Variants in CACNG4 observed in about 807,000 individuals in gnomAD.
CACNG4 encodes voltage-dependent calcium channel gamma-4 subunit.
A neutral mutation model predicts 22.9 loss-of-function variants in CACNG4; 8 were observed. The observed-to-expected ratio is 0.35, with a 90% CI of 0.21 to 0.63. CACNG4 has a LOEUF of 0.63. Ranked by LOEUF, CACNG4 falls within the 30% of genes least tolerant of loss-of-function variation. The pLI, the probability that CACNG4 is intolerant of heterozygous loss-of-function variation, is 0.72. For missense variants in CACNG4, 357 were observed against 455.4 expected (o/e 0.78, Z 1.97); for synonymous variants, 188 against 191.9 (o/e 0.98, Z 0.17).
At position 67,030,677 on chromosome 17, in the gene CACNG4, G is replaced by A. The variant is rs1479345128; in HGVS notation, c.657G>A (p.Arg219=). The part of the protein sequence containing the change: ...KNKELRFKTK[R]EFLKASSSSP... ...AAGAGTTGAGGTTTAAGACCAAACG[G>A]GAATTCCTTAAGGCGTCTTCCTCTT... Residue 219 remains arginine (R), a synonymous_variant, in exon 4 of 4, where the codon CGG becomes CGA. Transcript: ENST00000262138. The surrounding 1 kb of genome is among the most constrained non-coding windows in gnomAD (Gnocchi z 6.4). 6.2e-7 allele frequency: 1 copy of A among 1,614,202 alleles called. No homozygotes were observed. Among genetic ancestry groups the A allele is most frequent in the Non-Finnish European group, 8.5e-7 (1 of 1,180,046 alleles).
intron 2 of CACNG4, among the ~76,000 whole-genome samples, chr17:67,024,027 C>G (rs1485217697): frequency 6.6e-6 from 1 of 152,208 alleles, no homozygotes; most frequent in Non-Finnish European, 1.5e-5. Flanking sequence ...AGTCAGCTGT[C>G]CCCGGTCAGC....
chr17:66,977,259 C>A (rs561643775), intron 1 of CACNG4, among the ~76,000 whole-genome samples: 41 of 152,334 alleles, frequency 2.7e-4, no homozygotes, highest in African/African-American at 9.4e-4. Context: ...GAGAACACAT[C>A]CCTCTGTGAT....
intron 1 of CACNG4, among the ~76,000 whole-genome samples, chr17:67,000,903 A>G (rs73997310): frequency 0.031 from 4,687 of 152,184 alleles, 231 homozygotes; most frequent in African/African-American, 0.11. Context: ...GGAGGAGAAC[A>G]GACCTTCCTA....
chr17:67,001,447 G>C (rs1260605083), intron 1 of CACNG4, among the ~76,000 whole-genome samples: 1 of 152,030 alleles, frequency 6.6e-6, no homozygotes, highest in Admixed American at 6.6e-5. Flanking sequence ...ACCCCTCTGG[G>C]CCTCTGTCTG....
chr17:66,994,553 G>T (rs141505907), intron 1 of CACNG4, among the ~76,000 whole-genome samples: 136 of 152,318 alleles, frequency 8.9e-4, no homozygotes, highest in South Asian at 4.2e-3. Flanking sequence ...CCCCCCAGGG[G>T]CCCAGTCCTG....
At chr17:66,990,842 G>T (rs568241695) in intron 1 of CACNG4, among the ~76,000 whole-genome samples, 24 of 151,670 alleles carry the variant, frequency 1.6e-4, no homozygotes, top group African/African-American at 5.8e-4. Flanking sequence ...CACCATGCCC[G>T]GCTAATTTTT....
At chr17:67,005,020 C>T (rs980553160) in intron 1 of CACNG4, among the ~76,000 whole-genome samples, 5 of 152,098 alleles carry the variant, frequency 3.3e-5, no homozygotes, top group Admixed American at 6.5e-5. Flanking sequence ...CACCCTGCCC[C>T]GTCCCAAAGA....
At chr17:66,987,093 G>A (rs952117617) in intron 1 of CACNG4, among the ~76,000 whole-genome samples, 4 of 152,126 alleles carry the variant, frequency 2.6e-5, no homozygotes, top group Non-Finnish European at 5.9e-5. Context: ...GAGGGGAATG[G>A]GATTGACTGC....
chr17:67,011,558 C>T (rs774658542), intron 1 of CACNG4, among the ~76,000 whole-genome samples: 3 of 152,150 alleles, frequency 2.0e-5, no homozygotes, highest in Admixed American at 6.5e-5. Context: ...GCCAGGACTC[C>T]GTCTTACTCA....
chr17:66,985,619 C>G (rs750076516), intron 1 of CACNG4, among the ~76,000 whole-genome samples: 1 of 152,200 alleles, frequency 6.6e-6, no homozygotes, highest in Non-Finnish European at 1.5e-5. Flanking sequence ...CAGAGGCACA[C>G]GTCTTCCTTC....
intron 1 of CACNG4, among the ~76,000 whole-genome samples, chr17:67,014,429 A>G (rs2143347847): frequency 6.6e-6 from 1 of 151,886 alleles, no homozygotes. Flanking sequence ...AACTTTTGTG[A>G]AAAAAAAATC....
intron 1 of CACNG4, among the ~76,000 whole-genome samples, chr17:66,999,300 T>C (rs1428346236): frequency 6.6e-6 from 1 of 151,958 alleles, no homozygotes; most frequent in Non-Finnish European, 1.5e-5. Context: ...GTGGTGGTGG[T>C]CATTGTGGTA....
chr17:66,990,923 G>A (rs541033741), intron 1 of CACNG4, among the ~76,000 whole-genome samples: 2 of 152,038 alleles, frequency 1.3e-5, no homozygotes, highest in Non-Finnish European at 2.9e-5. Context: ...CTCGTGATCC[G>A]CCCGCCTCAG....
intron 1 of CACNG4, among the ~76,000 whole-genome samples, chr17:66,980,211 C>T (rs550350805): frequency 6.6e-6 from 1 of 152,338 alleles, no homozygotes; most frequent in Non-Finnish European, 1.5e-5. Context: ...ATCTTTATTT[C>T]CTGTCAGCAC....
At chr17:67,019,164 G>A (rs1180669468) in intron 2 of CACNG4, among the ~76,000 whole-genome samples, 1 of 152,154 alleles carries the variant, frequency 6.6e-6, no homozygotes. Context: ...CATCCTCAGA[G>A]AGAGCACAAT....
chr17:66,998,326 A>T (rs376268550), intron 1 of CACNG4, among the ~76,000 whole-genome samples: 4 of 152,002 alleles, frequency 2.6e-5, no homozygotes, highest in East Asian at 3.9e-4. Context: ...GGCTTAGGTG[A>T]TCCTCCTGCC....
At chr17:67,001,272 G>A (rs1018506852) in intron 1 of CACNG4, among the ~76,000 whole-genome samples, 16 of 152,080 alleles carry the variant, frequency 1.1e-4, no homozygotes, top group Admixed American at 4.6e-4. Context: ...AAATTACCCA[G>A]TCTGGGGTAT....
chr17:66,995,642 G>A (rs2035369359), intron 1 of CACNG4, among the ~76,000 whole-genome samples: 1 of 152,258 alleles, frequency 6.6e-6, no homozygotes, highest in Admixed American at 6.5e-5. Flanking sequence ...ATGAGGTCAG[G>A]AGTTCGAGAC....
chr17:66,995,932 T>A (rs1401393025), intron 1 of CACNG4, among the ~76,000 whole-genome samples: 1 of 151,856 alleles, frequency 6.6e-6, no homozygotes, highest in Non-Finnish European at 1.5e-5. Context: ...TGTGAGGGGG[T>A]GATTTTTACT....
Sources: allele counts gnomAD v4.1 joint callset (sites outside exome capture counted in the v4.1 genomes callset), GRCh38; gene constraint gnomAD v4.1.1; non-coding constraint Gnocchi (gnomAD v3.1); transcripts MANE v1.5; gene names NCBI Gene and HGNC (gene_info 2026-07-23, HGNC 2026-07-21).